PLCE1: variants seen among roughly 807,000 people sequenced by gnomAD.
The protein encoded by PLCE1 is 1-phosphatidylinositol 4,5-bisphosphate phosphodiesterase epsilon-1.
A neutral mutation model predicts 242.8 loss-of-function variants in PLCE1; 119 were observed. That is an observed-to-expected ratio of 0.49 (90% CI 0.42 to 0.57). The LOEUF is 0.57. Among genes scored for constraint, PLCE1 ranks in the 20% least tolerant of loss-of-function variants. The pLI, the probability that PLCE1 is intolerant of heterozygous loss-of-function variation, is 0.00. For missense variants in PLCE1, 2,441 were observed against 2,788.8 expected, an observed-to-expected ratio of 0.88 and a Z score of 2.81; for synonymous variants, 945 against 1,017.4, an observed-to-expected ratio of 0.93 and a Z score of 1.35.
At chr10:94,058,105 A>T (rs2043955085) in intron 2 of PLCE1, among the ~76,000 whole-genome samples, 1 of 152,222 alleles carries the variant, frequency 6.6e-6, no homozygotes, top group Admixed American at 6.5e-5. Context: ...CCTTAACTGA[A>T]TTGGTGGTCC....
chr10:94,090,653 T>C (rs951980171), intron 2 of PLCE1, among the ~76,000 whole-genome samples: 2 of 152,210 alleles, frequency 1.3e-5, no homozygotes, highest in African/African-American at 2.4e-5. Context: ...TCATTAGATG[T>C]AGGGGACTGT....
chr10:94,320,503 A>G (rs932576593), intron 29 of PLCE1, among the ~76,000 whole-genome samples: 2 of 152,184 alleles, frequency 1.3e-5, no homozygotes, highest in Non-Finnish European at 2.9e-5. Context: ...ACTTTAATCA[A>G]TGGGTACAAT....
chr10:94,312,896 A>ATTAT (rs537395749), intron 27 of PLCE1, among the ~76,000 whole-genome samples: 10 of 152,234 alleles, frequency 6.6e-5, no homozygotes, highest in Non-Finnish European at 1.5e-4. Flanking sequence ...AGAACATTTT[A>ATTAT]TTATTACCAT....
intron 4 of PLCE1, among the ~76,000 whole-genome samples, chr10:94,217,296 T>C (rs891943549): frequency 6.6e-6 from 1 of 152,030 alleles, no homozygotes; most frequent in Non-Finnish European, 1.5e-5. Flanking sequence ...TAATTATGAT[T>C]ATGAAAATTA....
intron 2 of PLCE1, among the ~76,000 whole-genome samples, chr10:94,103,743 C>CCACACGGTGTGTGTGCATGCACATGCACA (rs1158227976): frequency 3.3e-4 from 51 of 152,284 alleles, no homozygotes; most frequent in African/African-American, 1.2e-3. Flanking sequence ...CTATCCTTAC[C>CCACACGGTGTGTGTGCATGCACATGCACA]CACACGGTGT....
chr10:94,111,821 T>A (rs2045964469), intron 2 of PLCE1, among the ~76,000 whole-genome samples: 1 of 152,224 alleles, frequency 6.6e-6, no homozygotes. Flanking sequence ...TTTGGCATTT[T>A]ATAGTGCTTG....
At chr10:94,085,258 G>A (rs1036757208) in intron 2 of PLCE1, among the ~76,000 whole-genome samples, 1 of 152,168 alleles carries the variant, frequency 6.6e-6, no homozygotes, top group Non-Finnish European at 1.5e-5. Context: ...TGGTAGAGAG[G>A]CTTTGCCCCA....
Position 94,231,593 on chromosome 10 carries a change from A to T in PLCE1, c.1956-2461A>T, listed in dbSNP as rs571068092. 6.2e-3 allele frequency among the ~76,000 whole-genome samples: 916 copies of T among 148,022 alleles called. 14 individuals are homozygous for T. Among genetic ancestry groups the T allele is most frequent in the African/African-American group, 0.021 (850 of 40,482 alleles). On this transcript the variant is annotated intron_variant, in intron 5 of 32. Coordinates refer to ENST00000371380, the MANE Select transcript of PLCE1 (RefSeq NM_016341.4). ...AGTCTTGCAAATTTAAGGCTGTATA[A>T]AAAAAAAAAAAGCAAGTTGTTTAAA...
intron 16 of PLCE1, among the ~76,000 whole-genome samples, chr10:94,268,116 T>C (rs1589445744): frequency 6.6e-6 from 1 of 152,236 alleles, no homozygotes; most frequent in Admixed American, 6.5e-5. Context: ...GCAAACTTTA[T>C]AGAGTTGCAA....
intron 24 of PLCE1, among the ~76,000 whole-genome samples, chr10:94,300,646 G>A (rs2053000157): frequency 6.6e-6 from 1 of 152,208 alleles, no homozygotes; most frequent in South Asian, 2.1e-4. Context: ...CTCAGTAAAT[G>A]CTTGTTACTC....
intron 2 of PLCE1, chr10:94,082,212 A>G (rs1441592408): frequency 6.6e-6 from 1 of 152,222 alleles, no homozygotes; most frequent in African/African-American, 2.4e-5. Flanking sequence ...TCGACCTAAA[A>G]CAAGGTGAAA....
chr10:94,094,694 G>C (rs1186170555), intron 2 of PLCE1: 1 of 152,142 alleles, frequency 6.6e-6, no homozygotes, highest in Non-Finnish European at 1.5e-5. Flanking sequence ...CGCTCCTTTT[G>C]GTGCCAGCCT....
intron 3 of PLCE1, among the ~76,000 whole-genome samples, chr10:94,140,447 G>A (rs1035907544): frequency 1.3e-5 from 2 of 152,062 alleles, no homozygotes; most frequent in African/African-American, 4.8e-5. Flanking sequence ...GGAGGCTGAG[G>A]CATGAGAACT....
chr10:94,174,262 G>A (rs994043187), intron 4 of PLCE1, among the ~76,000 whole-genome samples: 4 of 152,090 alleles, frequency 2.6e-5, no homozygotes, highest in Non-Finnish European at 5.9e-5. Context: ...AATCCATACC[G>A]ATATAAATAC....
chr10:94,054,694 C>T (rs894133180), intron 2 of PLCE1, among the ~76,000 whole-genome samples: 1 of 152,158 alleles, frequency 6.6e-6, no homozygotes, highest in Admixed American at 6.5e-5. Flanking sequence ...AAAGTAATCA[C>T]CCAAATTACT....
intron 2 of PLCE1, among the ~76,000 whole-genome samples, chr10:94,091,357 C>G (rs1191550285): frequency 1.3e-5 from 2 of 152,176 alleles, no homozygotes; most frequent in Non-Finnish European, 2.9e-5. Context: ...CAGTTCTTCC[C>G]TCAGCAGTAA....
chr10:94,317,767 T>TACTA (rs530797035), intron 29 of PLCE1, among the ~76,000 whole-genome samples: 59 of 152,280 alleles, frequency 3.9e-4, no homozygotes, highest in African/African-American at 1.4e-3. Context: ...GAGAAAACCC[T>TACTA]ACTAACTTAA....
At chr10:94,169,731 T>G (rs1168915757) in intron 3 of PLCE1, among the ~76,000 whole-genome samples, 1 of 152,152 alleles carries the variant, frequency 6.6e-6, no homozygotes, top group African/African-American at 2.4e-5. Flanking sequence ...AGTTAGATAA[T>G]AGGAATTAGC....
At chr10:94,297,711 T>C (rs1017002507) in intron 23 of PLCE1, among the ~76,000 whole-genome samples, 5 of 151,458 alleles carry the variant, frequency 3.3e-5, no homozygotes, top group African/African-American at 1.2e-4. Flanking sequence ...TATAACTTTA[T>C]ATTTGCTATA....
Sources: allele counts gnomAD v4.1 joint callset (sites outside exome capture counted in the v4.1 genomes callset), GRCh38; gene constraint gnomAD v4.1.1; transcripts MANE v1.5; gene names NCBI Gene and HGNC (gene_info 2026-07-23, HGNC 2026-07-21).